Variants in BZW2 observed in about 807,000 individuals in gnomAD.
BZW2 encodes the protein eIF5-mimic protein 1.
Under a neutral mutation model 53.2 loss-of-function variants are expected in BZW2, and 23 were observed. The ratio of observed to expected loss-of-function variants is 0.43; its 90% CI spans 0.31 to 0.61. BZW2 has a LOEUF of 0.61. Among genes scored for constraint, BZW2 ranks in the 20% least tolerant of loss-of-function variants. The pLI is 0.09. For synonymous variants in BZW2, 227 were observed against 186.4 expected (o/e 1.22, Z -1.77); for missense variants, 409 against 503.1 (o/e 0.81, Z 1.79).
intron 10 of BZW2, 82 bp downstream of exon 10, chr7:16,698,268 G>A: frequency 6.5e-7 from 1 of 1,547,352 alleles, no homozygotes; most frequent in African/African-American, 1.4e-5. Flanking sequence ...AGGCAGAGGA[G>A]GTCATGGGGC....
In BZW2 at chr7:16,685,963, C is replaced by T. The variant is rs771841398; in HGVS notation, c.464C>T (p.Ser155Leu). The T allele has an allele frequency of 4.4e-6, 7 of 1,578,850 alleles. No individual in the cohort carries two copies. The highest frequency in any genetic ancestry group is 2.3e-5 in the East Asian group (1 of 43,720). ...GAGCAGACAAAGTTGGCGATGCTGT[C>T]GGGGATTCTGCTGGGCAATGGCACC... ...ETEQTKLAMLSGILLGNGTLP... is the reference protein window; with the variant it reads ...ETEQTKLAMLLGILLGNGTLP... The change falls in exon 6 of 12, where the codon TCG (serine) becomes TTG (leucine). Residue 155 changes from serine (S) to leucine (L), a missense_variant. Ser to Leu is a moderately radical substitution (Grantham distance 145). Around this residue, in one of 3 missense-constraint regions of BZW2, gnomAD observed 316 missense variants for 366.8 expected, o/e 0.86. Coordinates refer to ENST00000258761, the MANE Select transcript of BZW2 (RefSeq NM_014038.3).
intron 2 of BZW2, among the ~76,000 whole-genome samples, chr7:16,672,826 A>G (rs923559467): frequency 6.6e-6 from 1 of 152,152 alleles, no homozygotes; most frequent in Non-Finnish European, 1.5e-5. Flanking sequence ...ACTCTTTCCA[A>G]ACCCAAACTT....
At chr7:16,647,716 G>A (rs1392126065) in intron 1 of BZW2, among the ~76,000 whole-genome samples, 1 of 152,160 alleles carries the variant, frequency 6.6e-6, no homozygotes, top group Non-Finnish European at 1.5e-5. Context: ...TTAGTTCAGA[G>A]TTACAATTGA....
At chr7:16,702,688 C>T (rs2128371541) in intron 10 of BZW2, among the ~76,000 whole-genome samples, 1 of 152,238 alleles carries the variant, frequency 6.6e-6, no homozygotes, top group East Asian at 1.9e-4. Context: ...CAAATAGTAT[C>T]ACTAAACTGC....
At chr7:16,653,089 A>G (rs758101616) in intron 1 of BZW2, among the ~76,000 whole-genome samples, 6 of 151,950 alleles carry the variant, frequency 3.9e-5, no homozygotes, top group Non-Finnish European at 5.9e-5. Flanking sequence ...CCTGCTAGAC[A>G]GGCTTGGGCA....
chr7:16,686,287 A>C (rs1437689276), intron 6 of BZW2: 5 of 435,734 alleles, frequency 1.1e-5, no homozygotes, highest in Non-Finnish European at 2.0e-5. Flanking sequence ...CTAATAGCAA[A>C]TTAAAATCTC....
At chr7:16,691,831 C>T (rs1783317429) in intron 7 of BZW2, among the ~76,000 whole-genome samples, 1 of 152,030 alleles carries the variant, frequency 6.6e-6, no homozygotes, top group Non-Finnish European at 1.5e-5. Context: ...TTATAAAATT[C>T]ATTTTCTTTT....
chr7:16,701,993 A>G (rs1371718599), intron 10 of BZW2, among the ~76,000 whole-genome samples: 1 of 152,180 alleles, frequency 6.6e-6, no homozygotes, highest in African/African-American at 2.4e-5. Flanking sequence ...CTCACCAGAC[A>G]TTATGAAGAA....
chr7:16,657,270 A>G (rs1199212560), intron 1 of BZW2, among the ~76,000 whole-genome samples: 1 of 152,212 alleles, frequency 6.6e-6, no homozygotes, highest in Non-Finnish European at 1.5e-5. Context: ...CCCACTACTC[A>G]TGTTGACCAC....
chr7:16,668,889 TTA>T (rs1409636523), intron 2 of BZW2, among the ~76,000 whole-genome samples: 1 of 152,236 alleles, frequency 6.6e-6, no homozygotes, highest in Non-Finnish European at 1.5e-5. Context: ...TCCAAAGTAA[TTA>T]TGTTTTTTCC....
At chr7:16,695,632 A>G (rs1207256122) in intron 8 of BZW2, among the ~76,000 whole-genome samples, 1 of 151,938 alleles carries the variant, frequency 6.6e-6, no homozygotes, top group East Asian at 1.9e-4. Flanking sequence ...TTTTATTTTT[A>G]GTGTATCTGG....
At chr7:16,653,914 T>C (rs898306846) in intron 1 of BZW2, among the ~76,000 whole-genome samples, 2 of 151,796 alleles carry the variant, frequency 1.3e-5, no homozygotes, top group African/African-American at 4.8e-5. Flanking sequence ...TTGCCATCAG[T>C]GTGTTATTAC....
At chr7:16,695,420 A>T (rs936465835) in intron 8 of BZW2, among the ~76,000 whole-genome samples, 1 of 152,218 alleles carries the variant, frequency 6.6e-6, no homozygotes, top group African/African-American at 2.4e-5. Context: ...ACTCTGTATG[A>T]ATATGTAACA....
At chr7:16,666,378 G>A (rs1349650998) in intron 2 of BZW2, among the ~76,000 whole-genome samples, 1 of 121,356 alleles carries the variant, frequency 8.2e-6, no homozygotes, top group Non-Finnish European at 1.8e-5. Flanking sequence ...CACCTGGCCT[G>A]TATAAAAGAC....
chr7:16,680,582 AC>A (rs1268621073), intron 3 of BZW2, among the ~76,000 whole-genome samples: 1 of 152,148 alleles, frequency 6.6e-6, no homozygotes, highest in Non-Finnish European at 1.5e-5. Context: ...AGGCAGGAGG[AC>A]CACTTGAGCC....
chr7:16,659,870 C>CT (rs1782207862), intron 1 of BZW2, among the ~76,000 whole-genome samples: 1 of 149,404 alleles, frequency 6.7e-6, no homozygotes. Context: ...TTTTATTATA[C>CT]TTTAAGTTCT....
At chr7:16,677,847 A>G (rs1782813838) in intron 3 of BZW2, among the ~76,000 whole-genome samples, 1 of 152,056 alleles carries the variant, frequency 6.6e-6, no homozygotes, top group Admixed American at 6.6e-5. Context: ...GAAGGGTTTT[A>G]AGTAATTTCC....
intron 1 of BZW2, among the ~76,000 whole-genome samples, chr7:16,664,862 TACTC>T (rs1488030000): frequency 6.6e-6 from 1 of 152,120 alleles, no homozygotes; most frequent in East Asian, 1.9e-4. Flanking sequence ...TTATAGTAAA[TACTC>T]ACCAAAATTT....
intron 3 of BZW2, among the ~76,000 whole-genome samples, chr7:16,676,153 G>T (rs1413362472): frequency 6.6e-6 from 1 of 152,196 alleles, no homozygotes; most frequent in Admixed American, 6.5e-5. Flanking sequence ...ACGATATTCT[G>T]CATGCTGATT....
Sources: allele counts gnomAD v4.1 joint callset (sites outside exome capture counted in the v4.1 genomes callset), GRCh38; gene constraint gnomAD v4.1.1; regional missense constraint gnomAD v4.1.1; transcripts MANE v1.5; gene names NCBI Gene and HGNC (gene_info 2026-07-23, HGNC 2026-07-21).